Variants in KAT6A observed in about 807,000 individuals in gnomAD.
The protein encoded by KAT6A is lysine acetyltransferase 6A, also known as histone acetyltransferase KAT6A.
A neutral mutation model predicts 198.4 loss-of-function variants in KAT6A; 9 were observed. That is an observed-to-expected ratio of 0.05 (90% CI 0.03 to 0.08). The LOEUF (loss-of-function observed/expected upper bound fraction) is 0.08. Ranked by LOEUF, KAT6A falls within the 10% of genes least tolerant of loss-of-function variation. KAT6A has a pLI of 1.00. For missense variants in KAT6A, 2,077 were observed against 2,509.9 expected (o/e 0.83, Z 3.69); for synonymous variants, 890 against 883.0 (o/e 1.01, Z -0.14).
chr8:42,007,897 G>C (rs1485045222), intron 2 of KAT6A, among the ~76,000 whole-genome samples: 2 of 144,418 alleles, frequency 1.4e-5, no homozygotes, highest in African/African-American at 5.3e-5. Context: ...GGGAGGCGGA[G>C]CTTGCAGTGA....
intron 2 of KAT6A, among the ~76,000 whole-genome samples, chr8:42,012,528 G>A (rs1826073157): frequency 6.6e-6 from 1 of 152,166 alleles, no homozygotes; most frequent in Non-Finnish European, 1.5e-5. Context: ...GAGTGATGCT[G>A]CTGCTGACCA....
At chr8:42,043,054 AAAT>A (rs1233734605) in intron 2 of KAT6A, among the ~76,000 whole-genome samples, 4 of 152,214 alleles carry the variant, frequency 2.6e-5, no homozygotes, top group African/African-American at 9.6e-5. Context: ...TGTTATGAAA[AAAT>A]AATAATGTAA....
chr8:42,049,521 A>G (rs1317563700), intron 1 of KAT6A: 1 of 160,650 alleles, frequency 6.2e-6, no homozygotes, highest in African/African-American at 2.4e-5. Flanking sequence ...TAATTAGGAT[A>G]CAATGAGGAA....
At chr8:41,979,979 G>T (rs1824266358) in intron 5 of KAT6A, among the ~76,000 whole-genome samples, 1 of 152,136 alleles carries the variant, frequency 6.6e-6, no homozygotes, top group African/African-American at 2.4e-5. Flanking sequence ...AGACTCCATG[G>T]GTGAGGGGGT....
At chr8:41,945,636 T>C (rs557419988) in intron 12 of KAT6A, among the ~76,000 whole-genome samples, 2 of 152,294 alleles carry the variant, frequency 1.3e-5, no homozygotes, top group East Asian at 3.9e-4. Context: ...TTAGTATTAC[T>C]GCATGAAACT....
chr8:41,984,575 A>T (rs1824513011), intron 3 of KAT6A, among the ~76,000 whole-genome samples: 1 of 152,224 alleles, frequency 6.6e-6, no homozygotes, highest in African/African-American at 2.4e-5. Flanking sequence ...CTACAGAAAC[A>T]GTATGAAGTA....
intron 11 of KAT6A, 36 bp downstream of exon 11, chr8:41,947,715 T>A (rs776110328): frequency 1.9e-6 from 3 of 1,541,228 alleles, no homozygotes; most frequent in African/African-American, 2.8e-5. Flanking sequence ...CAGATTTCTA[T>A]ATGAGTTCAA....
rs577362574 is a variant in KAT6A, at chr8:41,977,881, C to T, written c.1044-554G>A. ...TTCTGTACATTTCAGGCTGCTAATG[C>T]CCATTCATTTCAGTTATATCACCTT... On this transcript the variant is annotated intron_variant, in intron 6 of 16. Transcript: ENST00000265713. Among the ~76,000 whole-genome samples, 10 of 152,234 alleles carry T rather than the reference C, an allele frequency of 6.6e-5. No homozygotes were observed. The South Asian group carries it at 1.0e-3, about 16-fold the overall frequency.
chr8:41,932,649 G>A lies in KAT6A; in HGVS notation c.5571C>T (p.Ile1857=). Residue 1857 remains isoleucine, a synonymous_variant, in exon 17 of 17, where the codon ATC becomes ATT. Coordinates refer to ENST00000265713, the MANE Select transcript of KAT6A (RefSeq NM_006766.5). ...GQMPVKGHIS[I]RSKSAPLPSA... is the part of the protein sequence containing the mutation. ...AGGGCAGTGGCGCAGACTTGGAGCG[G>A]ATGGAAATGTGCCCCTTCACTGGCA... 6.2e-7 allele frequency: 1 copy of A among 1,614,220 alleles called. No homozygotes were observed. Among genetic ancestry groups the A allele is most frequent in the Non-Finnish European group, 8.5e-7 (1 of 1,180,028 alleles).
Position 42,015,174 on chromosome 8 carries a change from A to G in KAT6A, c.601-27611T>C, listed in dbSNP as rs1345344659. On this transcript the variant is annotated intron_variant, in intron 2 of 16. Transcript: ENST00000265713. ...AAAAACTTCTCAAAGCTCACAAGTA[A>G]TATGTCCAATGTGGTCTCATGCCCC... Among the ~76,000 whole-genome samples, 7 of 152,340 alleles carry G rather than the reference A, an allele frequency of 4.6e-5. No individual in the cohort carries two copies. In the East Asian group the frequency reaches 1.4e-3, roughly 29 times the overall value.
intron 2 of KAT6A, among the ~76,000 whole-genome samples, chr8:42,011,598 G>C (rs1275449347): frequency 6.6e-6 from 1 of 152,102 alleles, no homozygotes; most frequent in Non-Finnish European, 1.5e-5. Context: ...AAATCAGCTG[G>C]GTGTGGTGAT....
intron 2 of KAT6A, among the ~76,000 whole-genome samples, chr8:42,028,580 A>C (rs1156696350): frequency 1.4e-4 from 21 of 152,206 alleles, no homozygotes; most frequent in Admixed American, 1.4e-3. Context: ...CCATTTGCAT[A>C]AAATATCTTG....
chr8:42,047,636 C>A (rs759004238), intron 2 of KAT6A, among the ~76,000 whole-genome samples: 2 of 152,134 alleles, frequency 1.3e-5, no homozygotes, highest in African/African-American at 2.4e-5. Context: ...GGCTCAAACT[C>A]CTAGGCTCAA....
In KAT6A at chr8:41,942,864, C is replaced by T. The variant is rs1447043300; in HGVS notation, c.2365G>A (p.Glu789Lys). The change falls in exon 14 of 17, where the codon GAG becomes AAG. Residue 789 changes from glutamate to lysine, a missense_variant. By Grantham distance (56) the Glu-to-Lys change is moderately conservative. Coordinates refer to ENST00000265713, the MANE Select transcript of KAT6A (RefSeq NM_006766.5). ...CCTTCCTCAGCCTCCTCTTCTTCCT[C>T]CTCTGAGACCACAGAGTTGGACACT... The part of the protein sequence containing the change: ...VIVSNSVVSE[E>K]EEEEAEEGEN... The T allele has an allele frequency of 1.9e-6, 3 of 1,614,186 alleles. No individual in the cohort carries two copies. In the Admixed American group the frequency reaches 5.0e-5, roughly 27 times the overall value.
chr8:42,007,821 G>A (rs1825820309), intron 2 of KAT6A, among the ~76,000 whole-genome samples: 2 of 151,916 alleles, frequency 1.3e-5, no homozygotes, highest in African/African-American at 4.8e-5. Flanking sequence ...AATTAGCCGG[G>A]TGTGATGGCG....
Position 41,934,707 on chromosome 8 carries a change from T to C in KAT6A, c.3513A>G (p.Pro1171=). 1.9e-6 allele frequency: 3 copies of C among 1,614,224 alleles called. No homozygotes were observed. The highest frequency in any genetic ancestry group is 1.7e-6 in the Non-Finnish European group (2 of 1,180,044). The part of the protein sequence containing the change: ...IHWKKRPGRK[P]GFKLSREIMP... ...TGATTTCCCGACTCAACTTAAATCC[T>C]GGTTTTCGACCAGGTCTTTTCTTCC... The change falls in exon 17 of 17, where the codon CCA becomes CCG. Residue 1171 remains proline, a synonymous_variant. Transcript: ENST00000265713.
chr8:41,966,493 C>T (rs1025346935), intron 8 of KAT6A, among the ~76,000 whole-genome samples: 6 of 152,002 alleles, frequency 3.9e-5, no homozygotes, highest in Admixed American at 3.9e-4. Context: ...GGTGGATACG[C>T]GGGGACTCCT....
At position 41,933,133 on chromosome 8, in the gene KAT6A, G is replaced by C. The variant is rs1356152862; in HGVS notation, c.5087C>G (p.Pro1696Arg). 6.2e-7 allele frequency: 1 copy of C among 1,609,158 alleles called. No individual in the cohort carries two copies. The highest frequency in any genetic ancestry group is 2.2e-5 in the East Asian group (1 of 44,860). The change falls in exon 17 of 17, where the codon CCC becomes CGC. Residue 1696 changes from proline to arginine, a missense_variant. Physicochemically the swap from Pro to Arg is moderately radical, Grantham distance 103. This residue lies in a region of KAT6A where 500 missense variants were observed against 577.2 expected (regional missense o/e 0.87). Transcript: ENST00000265713. This position sits in a 1 kb window ranked among gnomAD's most constrained non-coding sequence, Gnocchi z 6.2. Reference protein sequence around the residue: ...QPQQPPPPPPPQQQPPLSQCS... With the variant: ...QPQQPPPPPPRQQQPPLSQCS... ...CTGTGACAGCGGGGGCTGCTGCTGG[G>C]GAGGGGGTGGGGGTGGAGGCTGCTG... is the stretch of plus-strand genomic sequence containing the variant.
intron 8 of KAT6A, among the ~76,000 whole-genome samples, chr8:41,969,987 C>T (rs1291717345): frequency 1.3e-5 from 2 of 152,180 alleles, no homozygotes; most frequent in Non-Finnish European, 2.9e-5. Context: ...CTCATAAACA[C>T]TCCAACCCCA....
Sources: allele counts gnomAD v4.1 joint callset (sites outside exome capture counted in the v4.1 genomes callset), GRCh38; gene constraint gnomAD v4.1.1; regional missense constraint gnomAD v4.1.1; non-coding constraint Gnocchi (gnomAD v3.1); transcripts MANE v1.5; gene names NCBI Gene and HGNC (gene_info 2026-07-23, HGNC 2026-07-21).